CABLES1: variants seen among roughly 807,000 people sequenced by gnomAD.
CABLES1 encodes CDK5 and ABL1 enzyme substrate 1.
Under a neutral mutation model 57.8 loss-of-function variants are expected in CABLES1, and 36 were observed. The ratio of observed to expected loss-of-function variants is 0.62; its 90% CI spans 0.48 to 0.82. The LOEUF is 0.82. Among genes scored for constraint, CABLES1 ranks in the 40% least tolerant of loss-of-function variants. The probability of loss-of-function intolerance (pLI) is 0.00; values close to 1 mark genes in which losing one functional copy is unlikely to be tolerated. For missense variants in CABLES1, 767 were observed against 836.6 expected (o/e 0.92, Z 1.03); for synonymous variants, 374 against 363.0 (o/e 1.03, Z -0.35).
intron 4 of CABLES1, among the ~76,000 whole-genome samples, chr18:23,217,247 A>T (rs865991410): frequency 1.3e-5 from 2 of 151,880 alleles, no homozygotes; most frequent in Non-Finnish European, 2.9e-5. Flanking sequence ...ACACCCAGCT[A>T]ATTTTTAAAA....
rs564879596 is a variant in CABLES1, at chr18:23,216,698, G to A, written c.1088+2644G>A. Reference sequence around the variant, plus strand: ...AACGACATTTCTGCAAAGCCATTAGGAAGCTGTTTTAACTTAAATTACCCA... The same window carrying A: ...AACGACATTTCTGCAAAGCCATTAGAAAGCTGTTTTAACTTAAATTACCCA... On this transcript the variant is annotated intron_variant, in intron 4 of 9. Coordinates refer to ENST00000256925, the MANE Select transcript of CABLES1 (RefSeq NM_001100619.3). Among the ~76,000 whole-genome samples, 21 of 152,288 alleles carry A rather than the reference G, an allele frequency of 1.4e-4. 1 individual carries two copies. In the South Asian group the frequency reaches 4.4e-3, roughly 32 times the overall value.
intron 1 of CABLES1, among the ~76,000 whole-genome samples, chr18:23,163,127 G>A (rs540524755): frequency 6.6e-6 from 1 of 152,176 alleles, no homozygotes; most frequent in South Asian, 2.1e-4. Flanking sequence ...CTGGGTTTGT[G>A]ACTTGGCTTC....
rs1462161109 is a variant in CABLES1 at position 23,136,004 on chromosome 18, A to T, written c.242A>T (p.Gln81Leu). Reference protein sequence around the residue: ...NISLDGRLPPQDAEWGGGEEG... With the variant: ...NISLDGRLPPLDAEWGGGEEG... ...TCGCTGGACGGCCGGCTGCCGCCGCAGGACGCGGAGTGGGGCGGTGGCGAG... is the reference window on the plus strand; with the variant it reads ...TCGCTGGACGGCCGGCTGCCGCCGCTGGACGCGGAGTGGGGCGGTGGCGAG... Residue 81 changes from glutamine (Q) to leucine (L), a missense_variant, in exon 1 of 10, where the codon CAG becomes CTG. By Grantham distance (113) the Gln-to-Leu change is moderately radical (BLOSUM62 -2). Coordinates refer to ENST00000256925, the MANE Select transcript of CABLES1 (RefSeq NM_001100619.3). 1.8e-6 allele frequency: 2 copies of T among 1,139,920 alleles called. No homozygotes were observed. The highest frequency in any genetic ancestry group is 9.2e-5 in the East Asian group (2 of 21,778). 70.6% of individuals were successfully genotyped at this position (1,139,920 alleles called of 1,614,324 possible).
Position 23,228,435 on chromosome 18 carries a change from T to C in CABLES1, c.1089-6173T>C, listed in dbSNP as rs924157348. Among the ~76,000 whole-genome samples the C allele has an allele frequency of 4.6e-5, 7 of 152,338 alleles. 1 individual carries two copies. The highest frequency in any genetic ancestry group is 6.8e-3 in the Middle Eastern group (2 of 294). On this transcript the variant is annotated intron_variant, in intron 4 of 9. Transcript: ENST00000256925. ...TCCACAGCTGTGCATGTGTGCTTTG[T>C]GCTGAAGAAGCCAAAACTAAGACAG...
At chr18:23,212,995 A>G (rs1405214897) in intron 3 of CABLES1, among the ~76,000 whole-genome samples, 1 of 152,192 alleles carries the variant, frequency 6.6e-6, no homozygotes. Flanking sequence ...CGGTAAAATC[A>G]GGGAAATTCT....
At chr18:23,144,357 C>T (rs2144952371) in intron 1 of CABLES1, among the ~76,000 whole-genome samples, 1 of 152,358 alleles carries the variant, frequency 6.6e-6, no homozygotes. Context: ...TTCCCCCACC[C>T]CACAACGTTC....
chr18:23,228,675 T>C (rs1598841516), intron 4 of CABLES1, among the ~76,000 whole-genome samples: 7 of 91,496 alleles, frequency 7.7e-5, no homozygotes, highest in South Asian at 3.6e-4. Context: ...TCTGAGTCCC[T>C]CCCTTTTACC....
chr18:23,245,035 G>A (rs2047840070), intron 7 of CABLES1, among the ~76,000 whole-genome samples: 1 of 152,156 alleles, frequency 6.6e-6, no homozygotes, highest in African/African-American at 2.4e-5. Context: ...GACCCTCACT[G>A]TTCTCCAGGA....
intron 1 of CABLES1, among the ~76,000 whole-genome samples, chr18:23,170,893 C>A (rs763785198): frequency 1.1e-4 from 17 of 152,276 alleles, no homozygotes; most frequent in Non-Finnish European, 2.5e-4. Flanking sequence ...GCCTCCCAGG[C>A]TCCAGCGATT....
rs2048265822 is a variant in CABLES1 at position 23,260,419 on chromosome 18, C to G, written c.*3052C>G. 6.6e-6 allele frequency: 1 copy of G among 152,276 alleles called. No homozygotes were observed. Among genetic ancestry groups the G allele is most frequent in the Non-Finnish European group, 1.5e-5 (1 of 68,096 alleles). The allele number at this position is 152,276 out of a possible 1,614,324, so 9.4% of individuals were successfully genotyped here. On this transcript the variant is annotated 3_prime_UTR_variant, in exon 10 of 10. Coordinates refer to ENST00000256925, the MANE Select transcript of CABLES1 (RefSeq NM_001100619.3). ...GAGCTTCCTTCCCCTCCATGTCATT[C>G]CTTCCTGTTCCCTTCATTCCCCAAC... is the stretch of plus-strand genomic sequence containing the variant.
Position 23,136,506 on chromosome 18 carries a change from G to A in CABLES1, c.744G>A (p.Leu248=). 2.5e-6 allele frequency: 4 copies of A among 1,597,204 alleles called. No individual in the cohort carries two copies. The South Asian group carries it at 4.4e-5, about 18-fold the overall frequency. The change falls in exon 1 of 10, where the codon CTG becomes CTA. Residue 248 remains leucine, a synonymous_variant. Coordinates refer to ENST00000256925, the MANE Select transcript of CABLES1 (RefSeq NM_001100619.3). ...GRLNSFTQGI[L]PIAFSRPTSQ... Reference sequence around the variant, plus strand: ...TCAACTCGTTCACTCAGGGAATCCTGCCCATCGCCTTCTCCAGGCCGACTT... The same window carrying A: ...TCAACTCGTTCACTCAGGGAATCCTACCCATCGCCTTCTCCAGGCCGACTT...
rs2144956804 is a variant in CABLES1, at chr18:23,147,912, A to G, written c.845+11305A>G. 2.7e-5 allele frequency among the ~76,000 whole-genome samples: 4 copies of G among 148,570 alleles called. 1 individual carries two copies. The South Asian group carries it at 8.5e-4, about 32-fold the overall frequency. ...TCCAGAGACAATTTGAGAAGACCCAACTTTTGTCACTCGTTATCAGAGCTA... is the reference window on the plus strand; with the variant it reads ...TCCAGAGACAATTTGAGAAGACCCAGCTTTTGTCACTCGTTATCAGAGCTA... On this transcript the variant is annotated intron_variant, in intron 1 of 9. Coordinates refer to ENST00000256925, the MANE Select transcript of CABLES1 (RefSeq NM_001100619.3).
At chr18:23,165,296 C>T (rs2047034581) in intron 1 of CABLES1, among the ~76,000 whole-genome samples, 1 of 152,090 alleles carries the variant, frequency 6.6e-6, no homozygotes, top group Non-Finnish European at 1.5e-5. Flanking sequence ...AGGGGTCTCA[C>T]TATGTTGCTT....
At chr18:23,248,189 G>C (rs2145120687) in intron 7 of CABLES1, among the ~76,000 whole-genome samples, 1 of 152,362 alleles carries the variant, frequency 6.6e-6, no homozygotes, top group East Asian at 1.9e-4. Flanking sequence ...AGGGAGTGTG[G>C]CGCAGGGGCA....
intron 3 of CABLES1, among the ~76,000 whole-genome samples, chr18:23,213,674 T>C (rs762299431): frequency 6.6e-6 from 1 of 152,200 alleles, no homozygotes; most frequent in Non-Finnish European, 1.5e-5. Context: ...ATCTGTCTGC[T>C]CCCTCTTGCA....
intron 3 of CABLES1, among the ~76,000 whole-genome samples, chr18:23,209,053 T>C (rs1428972630): frequency 3.3e-5 from 5 of 152,196 alleles, no homozygotes; most frequent in African/African-American, 1.2e-4. Flanking sequence ...CAGCAGTCCC[T>C]CCTTATCCAC....
At chr18:23,185,969 C>T (rs2047199601) in intron 1 of CABLES1, among the ~76,000 whole-genome samples, 1 of 152,186 alleles carries the variant, frequency 6.6e-6, no homozygotes, top group Non-Finnish European at 1.5e-5. Context: ...GAGAGCAGTG[C>T]AAGGAGACAT....
chr18:23,174,699 C>T (rs1263817744), intron 1 of CABLES1, among the ~76,000 whole-genome samples: 1 of 151,290 alleles, frequency 6.6e-6, no homozygotes, highest in Non-Finnish European at 1.5e-5. Flanking sequence ...GTGTCGATCT[C>T]CTGACCTCGT....
At chr18:23,190,422 G>T (rs924793436) in intron 2 of CABLES1, 1 of 152,210 alleles carries the variant, frequency 6.6e-6, no homozygotes, top group African/African-American at 2.4e-5. Flanking sequence ...TCGGGGTACC[G>T]GCTACAGAGG....
Sources: gnomAD v4.1 joint callset for allele counts (sites outside exome capture counted in the v4.1 genomes callset) on GRCh38, gnomAD v4.1.1 for gene constraint, MANE v1.5 for transcripts, NCBI Gene and HGNC (gene_info 2026-07-23, HGNC 2026-07-21) for gene names.